Variants in THSD7A observed in about 807,000 individuals in gnomAD.
THSD7A encodes thrombospondin type 1 domain containing 7A, also known as thrombospondin type-1 domain-containing protein 7A.
THSD7A carries 96 observed loss-of-function variants against 231.3 expected under a neutral mutation model. The ratio of observed to expected loss-of-function variants is 0.41; its 90% CI spans 0.35 to 0.49. The LOEUF (loss-of-function observed/expected upper bound fraction) is 0.49, where lower values mean the gene tolerates loss of function less well. THSD7A is among the 20% of genes least tolerant of loss of function. The pLI is 0.05. For synonymous variants in THSD7A, 940 were observed against 743.3 expected, an observed-to-expected ratio of 1.26 and a Z score of -4.30; for missense variants, 2,290 against 2,070.2, an observed-to-expected ratio of 1.11 and a Z score of -2.06.
rs543385291 is a variant in THSD7A at position 11,777,091 on chromosome 7, A to C, written c.190+54666T>G. Among the ~76,000 whole-genome samples the C allele has an allele frequency of 2.6e-5, 4 of 152,294 alleles. No individual in the cohort carries two copies. The East Asian group carries it at 7.7e-4, about 29-fold the overall frequency. On this transcript the variant is annotated intron_variant, in intron 1 of 27. Transcript: ENST00000423059. ...GTGATGTTTATTTTGCAAGACAGCAAATGACCAGAGATAATGTGCGAGCGA... is the reference window on the plus strand; with the variant it reads ...GTGATGTTTATTTTGCAAGACAGCACATGACCAGAGATAATGTGCGAGCGA...
chr7:11,783,219 C>A (rs549709929), intron 1 of THSD7A, among the ~76,000 whole-genome samples: 1 of 152,138 alleles, frequency 6.6e-6, no homozygotes, highest in Non-Finnish European at 1.5e-5. Flanking sequence ...GCATTTAATA[C>A]ACCTGACCTG....
chr7:11,546,223 C>CACACACACACACAA (rs371554481), intron 4 of THSD7A, among the ~76,000 whole-genome samples: 2,954 of 148,774 alleles, frequency 0.02, 98 homozygotes, highest in African/African-American at 0.065. Flanking sequence ...CACACACACA[C>CACACACACACACAA]ACACACACGT....
chr7:11,508,062 T>G (rs1014689763), intron 6 of THSD7A, among the ~76,000 whole-genome samples: 6 of 151,932 alleles, frequency 3.9e-5, no homozygotes, highest in Non-Finnish European at 5.9e-5. Context: ...AAACTGCCAT[T>G]TATAAAACCA....
At chr7:11,670,892 A>C (rs933273942) in intron 1 of THSD7A, among the ~76,000 whole-genome samples, 1 of 152,208 alleles carries the variant, frequency 6.6e-6, no homozygotes, top group Admixed American at 6.5e-5. Context: ...CTTTGGCTAA[A>C]TGCTTACATT....
chr7:11,546,332 C>T (rs544713929), intron 4 of THSD7A, among the ~76,000 whole-genome samples: 1 of 152,276 alleles, frequency 6.6e-6, no homozygotes, highest in South Asian at 2.1e-4. Context: ...CAGCACCCTC[C>T]ATCAGAGTGT....
chr7:11,511,399 C>T (rs1362230078), intron 6 of THSD7A, among the ~76,000 whole-genome samples: 1 of 152,186 alleles, frequency 6.6e-6, no homozygotes, highest in African/African-American at 2.4e-5. Flanking sequence ...CATCAAACTA[C>T]CAATGACTTT....
intron 1 of THSD7A, among the ~76,000 whole-genome samples, chr7:11,755,014 CA>C (rs1209351656): frequency 5.3e-5 from 8 of 152,150 alleles, no homozygotes; most frequent in Non-Finnish European, 1.2e-4. Flanking sequence ...TGACAATACG[CA>C]GACACTAACA....
At chr7:11,679,994 A>G (rs1783804628) in intron 1 of THSD7A, among the ~76,000 whole-genome samples, 1 of 152,090 alleles carries the variant, frequency 6.6e-6, no homozygotes, top group Admixed American at 6.6e-5. Flanking sequence ...GTACCAAAAC[A>G]GATATATAGA....
intron 2 of THSD7A, among the ~76,000 whole-genome samples, chr7:11,625,485 C>T (rs866927850): frequency 6.6e-6 from 1 of 151,794 alleles, no homozygotes; most frequent in Non-Finnish European, 1.5e-5. Context: ...CATATTTGTA[C>T]TAAGTAGAGA....
In THSD7A at chr7:11,643,544, CT is replaced by C. The variant is rs1319283506; in HGVS notation, c.191-6584del. 2.0e-5 allele frequency among the ~76,000 whole-genome samples: 3 copies of C among 151,774 alleles called. No homozygotes were observed. In the East Asian group the frequency reaches 5.8e-4, roughly 29 times the overall value. ...TACCAATTAATTGTTCTATAATTTGCTTTTTTACTTCATAATGTGCTATAAT... is the reference window on the plus strand; with the variant it reads ...TACCAATTAATTGTTCTATAATTTGCTTTTTACTTCATAATGTGCTATAAT... On this transcript the variant is annotated intron_variant, in intron 1 of 27. Coordinates refer to ENST00000423059, the MANE Select transcript of THSD7A (RefSeq NM_015204.3).
At chr7:11,554,234 C>T (rs1234439650) in intron 4 of THSD7A, among the ~76,000 whole-genome samples, 4 of 151,982 alleles carry the variant, frequency 2.6e-5, no homozygotes, top group South Asian at 2.1e-4. Context: ...GAGGTCTTAC[C>T]GGATTAAGGT....
chr7:11,522,650 A>G (rs1183030657), intron 6 of THSD7A, among the ~76,000 whole-genome samples: 2 of 152,162 alleles, frequency 1.3e-5, no homozygotes, highest in African/African-American at 2.4e-5. Flanking sequence ...AATCAGTTTA[A>G]TGCTAATTAT....
intron 23 of THSD7A, among the ~76,000 whole-genome samples, chr7:11,397,024 C>T (rs986343887): frequency 2.6e-5 from 4 of 152,182 alleles, no homozygotes; most frequent in Non-Finnish European, 2.9e-5. Context: ...GAACCAATGA[C>T]AAAAACCACA....
chr7:11,608,833 C>G (rs933735930), intron 2 of THSD7A, among the ~76,000 whole-genome samples: 1 of 152,024 alleles, frequency 6.6e-6, no homozygotes, highest in African/African-American at 2.4e-5. Context: ...TAATGGTTCC[C>G]AAACAGAATT....
At chr7:11,623,760 C>G (rs1372666964) in intron 2 of THSD7A, among the ~76,000 whole-genome samples, 1 of 152,028 alleles carries the variant, frequency 6.6e-6, no homozygotes, top group Admixed American at 6.6e-5. Context: ...CTAGGTTGAA[C>G]AAGGAATAGA....
chr7:11,603,392 G>A lies in THSD7A; in HGVS notation c.1023-9890C>T, dbSNP rs565576260. 2.9e-3 allele frequency among the ~76,000 whole-genome samples: 434 copies of A among 152,200 alleles called. 2 individuals are homozygous for A. The highest frequency in any genetic ancestry group is 9.8e-3 in the African/African-American group (407 of 41,540). On this transcript the variant is annotated intron_variant, in intron 2 of 27. Coordinates refer to ENST00000423059, the MANE Select transcript of THSD7A (RefSeq NM_015204.3). ...GTCAGGAACCAACAGGTGCTGGAGA[G>A]GATGTAGAGAAATAGGCACACTTTT...
intron 4 of THSD7A, among the ~76,000 whole-genome samples, chr7:11,578,690 A>G (rs1177079941): frequency 6.6e-6 from 1 of 152,242 alleles, no homozygotes; most frequent in Non-Finnish European, 1.5e-5. Flanking sequence ...AGGTCTTGTA[A>G]TTTGAAAAAT....
In THSD7A at chr7:11,564,079, G is replaced by C. The variant is rs113282530; in HGVS notation, c.1454-20962C>G. On this transcript the variant is annotated intron_variant, in intron 4 of 27. Transcript: ENST00000423059. Reference sequence around the variant, plus strand: ...TTGGAGTTAGAGAAGGTCTAGGCTTGGTCTATTTTGGTTTACAATCGAGTG... The same window carrying C: ...TTGGAGTTAGAGAAGGTCTAGGCTTCGTCTATTTTGGTTTACAATCGAGTG... 8.9e-3 allele frequency among the ~76,000 whole-genome samples: 1,352 copies of C among 152,218 alleles called. 19 individuals carry two copies. Among genetic ancestry groups the C allele is most frequent in the African/African-American group, 0.031 (1,291 of 41,554 alleles).
chr7:11,610,378 G>A (rs1471977170), intron 2 of THSD7A, among the ~76,000 whole-genome samples: 3 of 152,046 alleles, frequency 2.0e-5, no homozygotes, highest in Admixed American at 2.0e-4. Context: ...CATTTGATAA[G>A]CATGATGTAG....
Sources: gnomAD v4.1 joint callset for allele counts (sites outside exome capture counted in the v4.1 genomes callset) on GRCh38, gnomAD v4.1.1 for gene constraint, MANE v1.5 for transcripts, NCBI Gene and HGNC (gene_info 2026-07-23, HGNC 2026-07-21) for gene names.